Variants in PTPN13 observed in about 807,000 individuals in gnomAD.
The protein encoded by PTPN13 is tyrosine-protein phosphatase non-receptor type 13.
PTPN13 carries 191 observed loss-of-function variants against 284.0 expected under a neutral mutation model. The ratio of observed to expected loss-of-function variants is 0.67; its 90% confidence interval spans 0.60 to 0.76. The LOEUF is 0.76. Among genes scored for constraint, PTPN13 ranks in the 30% least tolerant of loss-of-function variants. The probability of loss-of-function intolerance (pLI) is 0.00; values close to 1 mark genes in which losing one functional copy is unlikely to be tolerated. For missense variants in PTPN13, 2,797 were observed against 2,939.9 expected, an observed-to-expected ratio of 0.95 and a Z score of 1.12; for synonymous variants, 986 against 1,022.3, an observed-to-expected ratio of 0.96 and a Z score of 0.68.
chr4:86,727,514 A>T (rs985934746), intron 10 of PTPN13, among the ~76,000 whole-genome samples: 1 of 149,188 alleles, frequency 6.7e-6, no homozygotes, highest in South Asian at 2.1e-4. Context: ...CTAATCAGAG[A>T]TTTGACTTCT....
intron 44 of PTPN13, among the ~76,000 whole-genome samples, chr4:86,806,169 G>C (rs1744632897): frequency 6.7e-6 from 1 of 148,752 alleles, no homozygotes; most frequent in African/African-American, 2.5e-5. Context: ...AAAAAAAATA[G>C]GAAAAAAAAA....
At chr4:86,665,135 A>G (rs1203035865) in intron 2 of PTPN13, among the ~76,000 whole-genome samples, 2 of 152,200 alleles carry the variant, frequency 1.3e-5, no homozygotes, top group Non-Finnish European at 2.9e-5. Context: ...ACAAAACACA[A>G]CTACTGGAAG....
At chr4:86,683,499 T>C (rs1489289366) in intron 3 of PTPN13, among the ~76,000 whole-genome samples, 1 of 152,198 alleles carries the variant, frequency 6.6e-6, no homozygotes, top group Non-Finnish European at 1.5e-5. Context: ...GGCCTTCAAC[T>C]GACTGGAAAG....
At position 86,775,328 on chromosome 4, in the gene PTPN13, A is replaced by G; in HGVS notation, c.5666A>G (p.Asn1889Ser). The change falls in exon 34 of 48, where the codon AAC (asparagine) becomes AGC (serine). Residue 1889 changes from asparagine (N) to serine (S), a missense_variant. Transcript: ENST00000411767. ...HLLPDITLTC[N>S]KEELGFSLCG... ...CTACCGGACATAACACTAACGTGCA[A>G]CAAAGAGGAGTTGGGTAATGAAAAG... The G allele has an allele frequency of 1.9e-6, 3 of 1,612,132 alleles. No homozygotes were observed. Among genetic ancestry groups the G allele is most frequent in the Non-Finnish European group, 2.5e-6 (3 of 1,179,174 alleles).
intron 12 of PTPN13, among the ~76,000 whole-genome samples, chr4:86,733,163 A>C (rs947402994): frequency 1.3e-5 from 2 of 152,088 alleles, no homozygotes; most frequent in African/African-American, 2.4e-5. Flanking sequence ...TCCTAAAATC[A>C]CAGTGACTTT....
At chr4:86,747,453 A>G (rs1327014418) in intron 17 of PTPN13, among the ~76,000 whole-genome samples, 1 of 152,176 alleles carries the variant, frequency 6.6e-6, no homozygotes, top group Non-Finnish European at 1.5e-5. Context: ...TGTCATCACC[A>G]TCATCAACAA....
intron 6 of PTPN13, among the ~76,000 whole-genome samples, chr4:86,694,744 A>G (rs1730425209): frequency 6.6e-6 from 1 of 152,088 alleles, no homozygotes; most frequent in Non-Finnish European, 1.5e-5. Context: ...CTTCTTATCA[A>G]GCAGTTTTGA....
intron 6 of PTPN13, among the ~76,000 whole-genome samples, chr4:86,699,460 G>C (rs184680389): frequency 6.6e-6 from 1 of 152,190 alleles, no homozygotes; most frequent in East Asian, 1.9e-4. Flanking sequence ...TCCTCCAACA[G>C]CTCCGGTTTT....
At chr4:86,752,366 T>C (rs962470404) in intron 19 of PTPN13, among the ~76,000 whole-genome samples, 17 of 152,186 alleles carry the variant, frequency 1.1e-4, no homozygotes, top group African/African-American at 4.1e-4. Flanking sequence ...AACATTACTT[T>C]ATTAATGTAG....
intron 43 of PTPN13, among the ~76,000 whole-genome samples, chr4:86,804,300 T>TG (rs1262629707): frequency 6.6e-6 from 1 of 152,212 alleles, no homozygotes; most frequent in East Asian, 1.9e-4. Context: ...CTCATGGTAC[T>TG]GTCCATATTT....
At chr4:86,614,877 G>GA (rs1720364655) in intron 1 of PTPN13, among the ~76,000 whole-genome samples, 1 of 151,900 alleles carries the variant, frequency 6.6e-6, no homozygotes, top group Middle Eastern at 3.2e-3. Context: ...TTTGAATTAA[G>GA]AAAAAAACCT....
intron 1 of PTPN13, among the ~76,000 whole-genome samples, chr4:86,631,609 T>A (rs549260242): frequency 6.6e-6 from 1 of 152,286 alleles, no homozygotes; most frequent in African/African-American, 2.4e-5. Context: ...TTCCTTTCTA[T>A]GTTTTGGAGT....
At chr4:86,605,895 T>C (rs1462796527) in intron 1 of PTPN13, among the ~76,000 whole-genome samples, 2 of 151,860 alleles carry the variant, frequency 1.3e-5, no homozygotes, top group Non-Finnish European at 2.9e-5. Context: ...AAAGGATTTA[T>C]AGAGGCTTTG....
chr4:86,686,818 C>T (rs1729510094), intron 4 of PTPN13, 43 bp downstream of exon 4: 2 of 1,293,252 alleles, frequency 1.5e-6, no homozygotes, highest in African/African-American at 3.0e-5. Flanking sequence ...TACATATGTT[C>T]AATTTTACAC....
intron 1 of PTPN13, among the ~76,000 whole-genome samples, chr4:86,612,127 T>C (rs1719968397): frequency 6.6e-6 from 1 of 152,182 alleles, no homozygotes; most frequent in Non-Finnish European, 1.5e-5. Flanking sequence ...GATCAAACTT[T>C]GAAGTTTTCA....
chr4:86,748,250 C>T (rs1211034096), intron 17 of PTPN13, among the ~76,000 whole-genome samples: 2 of 152,166 alleles, frequency 1.3e-5, no homozygotes, highest in Non-Finnish European at 2.9e-5. Context: ...GGATTGCAGA[C>T]AGTGTGGAGC....
intron 42 of PTPN13, among the ~76,000 whole-genome samples, chr4:86,802,229 G>T (rs1744116755): frequency 6.6e-6 from 1 of 150,678 alleles, no homozygotes; most frequent in Admixed American, 6.6e-5. Context: ...GTGAAGTTTG[G>T]GATTCTTCAG....
At chr4:86,675,471 G>A (rs1338134384) in intron 3 of PTPN13, among the ~76,000 whole-genome samples, 1 of 152,114 alleles carries the variant, frequency 6.6e-6, no homozygotes, top group Admixed American at 6.5e-5. Context: ...TTAAGAATAT[G>A]CTATTAACTA....
chr4:86,807,548 G>A lies in PTPN13; in HGVS notation c.6746-12G>A. 6.3e-7 allele frequency: 1 copy of A among 1,585,010 alleles called. No individual in the cohort carries two copies. Among genetic ancestry groups the A allele is most frequent in the Non-Finnish European group, 8.6e-7 (1 of 1,162,478 alleles). On this transcript the variant is annotated splice_polypyrimidine_tract_variant and intron_variant, in intron 44 of 47. Transcript: ENST00000411767. ...ATATGGATGGCTCTGTTTTGTGGTGGAAAATTCACAGATGATGCTACAAGA... is the reference window on the plus strand; with the variant it reads ...ATATGGATGGCTCTGTTTTGTGGTGAAAAATTCACAGATGATGCTACAAGA...
Sources: allele counts gnomAD v4.1 joint callset (sites outside exome capture counted in the v4.1 genomes callset), GRCh38; gene constraint gnomAD v4.1.1; transcripts MANE v1.5; gene names NCBI Gene and HGNC (gene_info 2026-07-23, HGNC 2026-07-21).